MAGI1: variants seen among roughly 807,000 people sequenced by gnomAD.
MAGI1 encodes the protein membrane-associated guanylate kinase, WW and PDZ domain-containing protein 1.
A neutral mutation model predicts 139.9 loss-of-function variants in MAGI1; 58 were observed. That is an observed-to-expected ratio of 0.41 (90% CI 0.34 to 0.52). The LOEUF is 0.52. MAGI1 is among the 20% of genes least tolerant of loss of function. MAGI1 has a pLI of 0.12. For synonymous variants in MAGI1, 812 were observed against 737.9 expected, an observed-to-expected ratio of 1.10 and a Z score of -1.63; for missense variants, 1,874 against 1,901.6, an observed-to-expected ratio of 0.99 and a Z score of 0.27.
chr3:65,404,392 T>C (rs1945164275), intron 12 of MAGI1, among the ~76,000 whole-genome samples: 3 of 152,288 alleles, frequency 2.0e-5, no homozygotes, highest in Non-Finnish European at 4.4e-5. Context: ...CAACAAACCG[T>C]ATATTACAAC....
intron 4 of MAGI1, among the ~76,000 whole-genome samples, chr3:65,472,674 T>C (rs982673811): frequency 1.6e-4 from 25 of 152,224 alleles, no homozygotes; most frequent in African/African-American, 5.5e-4. Context: ...TACACACTCC[T>C]CCGTGCACCA....
chr3:65,752,134 A>T (rs2036205586), intron 1 of MAGI1, among the ~76,000 whole-genome samples: 1 of 152,094 alleles, frequency 6.6e-6, no homozygotes, highest in South Asian at 2.1e-4. Flanking sequence ...TTTTTTGTAC[A>T]AACAGGGTTT....
intron 2 of MAGI1, among the ~76,000 whole-genome samples, chr3:65,528,290 A>C (rs1559639842): frequency 6.6e-6 from 1 of 152,240 alleles, no homozygotes; most frequent in African/African-American, 2.4e-5. Flanking sequence ...TGCAAAATTT[A>C]TCTAAGCGTT....
intron 12 of MAGI1, among the ~76,000 whole-genome samples, chr3:65,415,380 G>T (rs1370025373): frequency 6.6e-6 from 1 of 152,236 alleles, no homozygotes; most frequent in African/African-American, 2.4e-5. Flanking sequence ...GGGCAGCGCT[G>T]AAGGTGTAAC....
At chr3:65,776,876 G>T (rs960626522) in intron 1 of MAGI1, among the ~76,000 whole-genome samples, 1 of 152,128 alleles carries the variant, frequency 6.6e-6, no homozygotes, top group African/African-American at 2.4e-5. Flanking sequence ...TCCATCGCTG[G>T]CTGCTTCATT....
chr3:65,764,439 T>C (rs778638771), intron 1 of MAGI1, among the ~76,000 whole-genome samples: 3 of 152,230 alleles, frequency 2.0e-5, no homozygotes, highest in Non-Finnish European at 4.4e-5. Flanking sequence ...GGGTTGCTGA[T>C]ATTCTATTTT....
At chr3:65,816,264 C>T (rs1473531) in intron 1 of MAGI1, among the ~76,000 whole-genome samples, 75,094 of 151,682 alleles carry the variant, frequency 0.5, 19,530 homozygotes, top group East Asian at 0.76. Context: ...TTTTAGAAAT[C>T]TCTAGAACAG....
At chr3:65,479,169 T>A (rs1044366629) in intron 3 of MAGI1, among the ~76,000 whole-genome samples, 1 of 152,150 alleles carries the variant, frequency 6.6e-6, no homozygotes, top group Admixed American at 6.5e-5. Flanking sequence ...CACAGAAGAT[T>A]AAAAAATTCA....
At chr3:65,897,623 G>A (rs1190549127) in intron 1 of MAGI1, among the ~76,000 whole-genome samples, 1 of 148,132 alleles carries the variant, frequency 6.8e-6, no homozygotes, top group Admixed American at 6.7e-5. Context: ...TGCATGTTGT[G>A]CACATGTACC....
intron 3 of MAGI1, among the ~76,000 whole-genome samples, chr3:65,486,733 T>A (rs965742510): frequency 1.3e-5 from 2 of 152,100 alleles, no homozygotes; most frequent in Non-Finnish European, 2.9e-5. Flanking sequence ...GGGATGATAA[T>A]CAGATTCTTT....
chr3:65,441,420 C>T (rs1486345016), intron 8 of MAGI1, among the ~76,000 whole-genome samples: 2 of 152,038 alleles, frequency 1.3e-5, no homozygotes, highest in African/African-American at 4.8e-5. Flanking sequence ...CTATTAAAGG[C>T]CTACATGTTT....
chr3:65,573,557 C>A (rs1319078955), intron 2 of MAGI1, among the ~76,000 whole-genome samples: 2 of 151,214 alleles, frequency 1.3e-5, no homozygotes, highest in East Asian at 1.9e-4. Context: ...AAAAAAAAAA[C>A]TCCTGGTAAT....
intron 1 of MAGI1, among the ~76,000 whole-genome samples, chr3:65,822,751 G>C (rs183411195): frequency 6.6e-6 from 1 of 152,156 alleles, no homozygotes; most frequent in Non-Finnish European, 1.5e-5. Flanking sequence ...GAGGAAGATA[G>C]AGTGTGAGGG....
chr3:65,647,259 C>G (rs1022749956), intron 1 of MAGI1, among the ~76,000 whole-genome samples: 1 of 152,142 alleles, frequency 6.6e-6, no homozygotes, highest in African/African-American at 2.4e-5. Flanking sequence ...CATTTGACAA[C>G]TGAGATGAAA....
At position 65,478,909 on chromosome 3, in the gene MAGI1, A is replaced by T. The variant is rs531607154; in HGVS notation, c.551-111T>A. ...CATTAAAAAAAAAATTAAACTAGAA[A>T]ACCAGAACAAACTGTATTTTATTTC... On this transcript the variant is annotated intron_variant, in intron 3 of 22. Transcript: ENST00000402939. The T allele has an allele frequency of 2.3e-5, 17 of 750,416 alleles. No homozygotes were observed. In the African/African-American group the frequency reaches 3.0e-4, roughly 13 times the overall value. The allele number at this position is 750,416 out of a possible 1,614,324, so 46.5% of individuals were successfully genotyped here.
At chr3:65,548,374 C>T (rs747048286) in intron 2 of MAGI1, among the ~76,000 whole-genome samples, 2 of 152,136 alleles carry the variant, frequency 1.3e-5, no homozygotes, top group African/African-American at 2.4e-5. Context: ...CATCCCCTCT[C>T]CCTGCACTGG....
chr3:65,734,011 C>T (rs764097920), intron 1 of MAGI1, among the ~76,000 whole-genome samples: 1 of 152,188 alleles, frequency 6.6e-6, no homozygotes, highest in Non-Finnish European at 1.5e-5. Flanking sequence ...CAATCTACTC[C>T]TCCTATCACT....
chr3:66,024,381 T>C, intron 1 of MAGI1, among the ~76,000 whole-genome samples: 1 of 139,342 alleles, frequency 7.2e-6, no homozygotes, highest in Non-Finnish European at 1.5e-5. Context: ...AAATCTACAC[T>C]AGAAACACCG....
intron 2 of MAGI1, among the ~76,000 whole-genome samples, chr3:65,578,378 G>A (rs1267146341): frequency 1.3e-5 from 2 of 152,160 alleles, no homozygotes; most frequent in African/African-American, 4.8e-5. Flanking sequence ...AAAAAGAGGA[G>A]GGTGAAAAAT....
Sources: gnomAD v4.1 joint callset for allele counts (sites outside exome capture counted in the v4.1 genomes callset) on GRCh38, gnomAD v4.1.1 for gene constraint, MANE v1.5 for transcripts, NCBI Gene and HGNC (gene_info 2026-07-23, HGNC 2026-07-21) for gene names.